The following PEX13 variants were observed in gnomAD, a reference collection of about 807,000 sequenced individuals.
PEX13 encodes the protein peroxisome biogenesis factor 13.
A neutral mutation model predicts 34.5 loss-of-function variants in PEX13; 28 were observed. The ratio of observed to expected loss-of-function variants is 0.81; its 90% CI spans 0.60 to 1.11. PEX13 has a LOEUF of 1.11. Ranked by LOEUF, PEX13 falls within the 50% of genes most tolerant of loss-of-function variation. The pLI is 0.00. For synonymous variants in PEX13, 177 were observed against 175.1 expected (o/e 1.01, Z -0.09); for missense variants, 550 against 491.0 (o/e 1.12, Z -1.13).
At chr2:61,029,128 G>T (rs966500277) in intron 1 of PEX13, among the ~76,000 whole-genome samples, 1 of 93,088 alleles carries the variant, frequency 1.1e-5, no homozygotes, top group African/African-American at 4.6e-5. Flanking sequence ...GACAGAGGGA[G>T]ACCCTGTCTC....
chr2:61,037,910 T>C (rs1384385268), intron 2 of PEX13, among the ~76,000 whole-genome samples: 1 of 152,068 alleles, frequency 6.6e-6, no homozygotes, highest in African/African-American at 2.4e-5. Flanking sequence ...TAATAAAAAA[T>C]GATAAAAGGG....
At chr2:61,040,198 A>T (rs1680599136) in intron 2 of PEX13, among the ~76,000 whole-genome samples, 1 of 152,178 alleles carries the variant, frequency 6.6e-6, no homozygotes, top group Non-Finnish European at 1.5e-5. Flanking sequence ...AAGGATCTAG[A>T]ACTAGAAATA....
intron 2 of PEX13, among the ~76,000 whole-genome samples, chr2:61,033,787 G>A (rs1680489976): frequency 6.6e-6 from 1 of 152,130 alleles, no homozygotes; most frequent in South Asian, 2.1e-4. Context: ...AAATGTAGAG[G>A]TATGTAAGTG....
chr2:61,026,546 C>T (rs1312099609), intron 1 of PEX13, among the ~76,000 whole-genome samples: 1 of 151,768 alleles, frequency 6.6e-6, no homozygotes, highest in African/African-American at 2.4e-5. Flanking sequence ...CAGTATTTCA[C>T]CATCTTGGCC....
At chr2:61,038,323 T>A (rs1407074666) in intron 2 of PEX13, among the ~76,000 whole-genome samples, 2 of 152,224 alleles carry the variant, frequency 1.3e-5, no homozygotes, top group Non-Finnish European at 1.5e-5. Context: ...TGTAGGCCAG[T>A]ATCCCTGATG....
At chr2:61,043,105 C>A (rs939808718) in intron 2 of PEX13, among the ~76,000 whole-genome samples, 2 of 152,072 alleles carry the variant, frequency 1.3e-5, no homozygotes, top group Non-Finnish European at 2.9e-5. Flanking sequence ...TTACTAAATG[C>A]CCCTTGATCT....
intron 1 of PEX13, among the ~76,000 whole-genome samples, chr2:61,028,097 G>A (rs1290069380): frequency 2.6e-5 from 4 of 152,150 alleles, no homozygotes; most frequent in African/African-American, 9.7e-5. Context: ...GTACAAAACT[G>A]TCATCCCATA....
At chr2:61,043,639 TATC>T (rs769610037) in intron 2 of PEX13, among the ~76,000 whole-genome samples, 2 of 152,242 alleles carry the variant, frequency 1.3e-5, no homozygotes, top group Non-Finnish European at 2.9e-5. Context: ...TTCATTGTAT[TATC>T]AGCAGCCACA....
chr2:61,040,756 T>TATATAC (rs1245610116), intron 2 of PEX13, among the ~76,000 whole-genome samples: 3 of 147,830 alleles, frequency 2.0e-5, no homozygotes, highest in Non-Finnish European at 4.5e-5. Context: ...TATATATAGG[T>TATATAC]ATATACATAT....
At chr2:61,047,235 A>G (rs531075383) in intron 3 of PEX13, among the ~76,000 whole-genome samples, 1 of 151,946 alleles carries the variant, frequency 6.6e-6, no homozygotes, top group East Asian at 1.9e-4. Context: ...GGCTCACTGC[A>G]ACCTCCGCCT....
At chr2:61,047,225 G>C (rs1268624708) in intron 3 of PEX13, among the ~76,000 whole-genome samples, 1 of 151,732 alleles carries the variant, frequency 6.6e-6, no homozygotes, top group Non-Finnish European at 1.5e-5. Context: ...GCACGATCTT[G>C]GCTCACTGCA....
chr2:61,019,307 C>T (rs527813689), intron 1 of PEX13, among the ~76,000 whole-genome samples: 14 of 151,826 alleles, frequency 9.2e-5, no homozygotes, highest in Non-Finnish European at 1.9e-4. Flanking sequence ...TCTTTGCTTA[C>T]CAATTTGTAA....
chr2:61,022,744 G>C (rs1363909157), intron 1 of PEX13, among the ~76,000 whole-genome samples: 1 of 152,132 alleles, frequency 6.6e-6, no homozygotes, highest in East Asian at 1.9e-4. Flanking sequence ...GTGTGTGCCT[G>C]TAGTCCTAGC....
chr2:61,051,426 T>C lies in PEX13; in HGVS notation c.*2656T>C, dbSNP rs1260958888. 1 of 152,340 alleles carries C rather than the reference T, an allele frequency of 6.6e-6. No homozygotes were observed. Among genetic ancestry groups the C allele is most frequent in the Admixed American group, 6.5e-5 (1 of 15,280 alleles). 9.4% of individuals were successfully genotyped at this position (152,340 alleles called of 1,614,324 possible). On this transcript the variant is annotated 3_prime_UTR_variant, in exon 4 of 4. Coordinates refer to ENST00000295030, the MANE Select transcript of PEX13 (RefSeq NM_002618.4). ...AAGTGATAAAATAGTGACACTTTTGTAGGGGTGTTTATTGTTTGGTTAAGT... is the reference window on the plus strand; with the variant it reads ...AAGTGATAAAATAGTGACACTTTTGCAGGGGTGTTTATTGTTTGGTTAAGT...
chr2:61,040,466 C>G (rs910763023), intron 2 of PEX13, among the ~76,000 whole-genome samples: 6 of 152,024 alleles, frequency 3.9e-5, no homozygotes, highest in Admixed American at 6.6e-5. Flanking sequence ...AACCATCATT[C>G]CCAGCAAACT....
Position 61,048,799 on chromosome 2 carries a change from A to G in PEX13, c.*29A>G. On this transcript the variant is annotated 3_prime_UTR_variant, in exon 4 of 4. Transcript: ENST00000295030. ...CTTTCATGTTTGCCTGCAGTTGAAC[A>G]ATACTTTAGAGTACTTTTTAAAATT... 6.5e-7 allele frequency: 1 copy of G among 1,542,954 alleles called. No homozygotes were observed. The highest frequency in any genetic ancestry group is 9.0e-7 in the Non-Finnish European group (1 of 1,115,258).
chr2:61,017,826 G>A lies in PEX13; in HGVS notation c.67G>A (p.Gly23Arg), dbSNP rs867920633. ...ETRRIPGAGP[G>R]PGPGPTFQSA... ...CCGCCGAATTCCGGGAGCCGGACCGGGACCAGGACCGGGCCCCACTTTCCA... is the reference window on the plus strand; with the variant it reads ...CCGCCGAATTCCGGGAGCCGGACCGAGACCAGGACCGGGCCCCACTTTCCA... The change falls in exon 1 of 4, where the codon GGA becomes AGA. Residue 23 changes from glycine to arginine, a missense_variant. Transcript: ENST00000295030. 13 of 1,550,426 alleles carry A rather than the reference G, an allele frequency of 8.4e-6. 1 individual carries two copies. In the Middle Eastern group the frequency reaches 1.8e-3, roughly 219 times the overall value.
chr2:61,048,296 G>T (rs1265096896), intron 3 of PEX13, among the ~76,000 whole-genome samples, 176 bp from the exon 4 acceptor site: 1 of 152,088 alleles, frequency 6.6e-6, no homozygotes, highest in African/African-American at 2.4e-5. Flanking sequence ...ATAGAAGAAT[G>T]GACCCTAGAA....
intron 1 of PEX13, among the ~76,000 whole-genome samples, chr2:61,027,443 C>T (rs1248250351): frequency 6.6e-6 from 1 of 152,052 alleles, no homozygotes; most frequent in Non-Finnish European, 1.5e-5. Flanking sequence ...GGGCTGGAGG[C>T]CTTATCACAG....
Sources: gnomAD v4.1 joint callset for allele counts (sites outside exome capture counted in the v4.1 genomes callset) on GRCh38, gnomAD v4.1.1 for gene constraint, MANE v1.5 for transcripts, NCBI Gene and HGNC (gene_info 2026-07-23, HGNC 2026-07-21) for gene names.